The following ACSS1 variants were observed in gnomAD, a reference collection of about 807,000 sequenced individuals.
ACSS1 encodes acyl-CoA synthetase short chain family member 1, also known as acetyl-coenzyme A synthetase 2-like, mitochondrial.
ACSS1 carries 42 observed loss-of-function variants against 75.3 expected under a neutral mutation model. That is an observed-to-expected ratio of 0.56 (90% confidence interval 0.44 to 0.72). ACSS1 has a LOEUF of 0.72. Ranked by LOEUF, ACSS1 falls within the 30% of genes least tolerant of loss-of-function variation. ACSS1 has a pLI of 0.00. For missense variants in ACSS1, 782 were observed against 935.7 expected (o/e 0.84, Z 2.14); for synonymous variants, 380 against 376.8 (o/e 1.01, Z -0.10).
rs1374907752 is a variant in ACSS1, at chr20:25,007,725, G to A, written c.*37C>T. 6.2e-7 allele frequency: 1 copy of A among 1,607,232 alleles called. No individual in the cohort carries two copies. Among genetic ancestry groups the A allele is most frequent in the Non-Finnish European group, 8.5e-7 (1 of 1,176,190 alleles). Reference sequence around the variant, plus strand: ...CTGGGAAGGACAAGCCAGGGCTTGGGTGCCCGCCCATCCCAAGAGCCCCAC... The same window carrying A: ...CTGGGAAGGACAAGCCAGGGCTTGGATGCCCGCCCATCCCAAGAGCCCCAC... On this transcript the variant is annotated 3_prime_UTR_variant, in exon 14 of 14. Transcript: ENST00000323482.
At chr20:25,009,888 T>A (rs1309053067) in intron 12 of ACSS1, 1 of 156,346 alleles carries the variant, frequency 6.4e-6, no homozygotes, top group African/African-American at 2.4e-5. Context: ...ACACTTCAAG[T>A]GCCATTCAGC....
intron 5 of ACSS1, among the ~76,000 whole-genome samples, chr20:25,022,390 C>CAAAAG (rs72142497): frequency 1.3e-5 from 2 of 148,588 alleles, no homozygotes; most frequent in African/African-American, 5.0e-5. Flanking sequence ...CAAAACAAAA[C>CAAAAG]AAAAGAAAAA....
intron 2 of ACSS1, among the ~76,000 whole-genome samples, chr20:25,044,739 A>G (rs920054782): frequency 6.6e-6 from 1 of 152,266 alleles, no homozygotes; most frequent in East Asian, 1.9e-4. Flanking sequence ...CACTAGGCCT[A>G]CAGCCTCTGG....
rs965991075 is a variant in ACSS1, at chr20:25,020,224, T to C, written c.1109-77A>G. 21 of 1,591,336 alleles carry C rather than the reference T, an allele frequency of 1.3e-5. No homozygotes were observed. The Admixed American group carries it at 3.2e-4, about 24-fold the overall frequency. ...TTAAACTCAGAGATCAGCCAAGACTTCCTGAGTGCTGGGCATGTGCAGACG... is the reference window on the plus strand; with the variant it reads ...TTAAACTCAGAGATCAGCCAAGACTCCCTGAGTGCTGGGCATGTGCAGACG... On this transcript the variant is annotated intron_variant, in intron 6 of 13. Coordinates refer to ENST00000323482, the MANE Select transcript of ACSS1 (RefSeq NM_032501.4).
At chr20:25,034,900 T>C (rs1242059336) in intron 2 of ACSS1, among the ~76,000 whole-genome samples, 1 of 150,400 alleles carries the variant, frequency 6.6e-6, no homozygotes, top group African/African-American at 2.5e-5. Context: ...TTTTTGTTTT[T>C]TGTTTTTTTT....
At chr20:25,008,948 G>A (rs1234178080) in intron 13 of ACSS1, among the ~76,000 whole-genome samples, 3 of 152,134 alleles carry the variant, frequency 2.0e-5, no homozygotes, top group Non-Finnish European at 2.9e-5. Flanking sequence ...GCTGAGTGTG[G>A]AAACCTGCCT....
rs2088451763 is a variant in ACSS1, at chr20:25,013,408, G to A, written c.1579+128C>T. 2.4e-6 allele frequency: 3 copies of A among 1,265,858 alleles called. No homozygotes were observed. The East Asian group carries it at 7.7e-5, about 32-fold the overall frequency. 78.4% of individuals were successfully genotyped at this position (1,265,858 alleles called of 1,614,324 possible). ...GAGAGGGGTGCGGAGTCAAACTCTG[G>A]CCTCGCGAGCACCTATTCCTGGCCA... On this transcript the variant is annotated intron_variant, in intron 10 of 13. Coordinates refer to ENST00000323482, the MANE Select transcript of ACSS1 (RefSeq NM_032501.4).
chr20:25,030,088 C>T (rs931805233), intron 3 of ACSS1, among the ~76,000 whole-genome samples: 1 of 152,148 alleles, frequency 6.6e-6, no homozygotes, highest in Non-Finnish European at 1.5e-5. Context: ...GAGAACTCTA[C>T]CCATTAGTTC....
chr20:25,030,700 C>T, intron 3 of ACSS1, 59 bp downstream of exon 3: 1 of 1,591,042 alleles, frequency 6.3e-7, no homozygotes, highest in East Asian at 2.2e-5. Context: ...TGGCCAGGCC[C>T]CCAGGAACAA....
intron 3 of ACSS1, among the ~76,000 whole-genome samples, chr20:25,024,133 G>C (rs2088674011): frequency 6.6e-6 from 1 of 152,180 alleles, no homozygotes; most frequent in South Asian, 2.1e-4. Flanking sequence ...AGCCTTCACT[G>C]TCCAGAGATC....
rs2089271250 is a variant in ACSS1 at position 25,058,064 on chromosome 20, C to T, written c.39G>A (p.Leu13=). The change falls in exon 1 of 14, where the codon CTG becomes CTA. Residue 13 remains leucine (L), a synonymous_variant. Coordinates refer to ENST00000323482, the MANE Select transcript of ACSS1 (RefSeq NM_032501.4). ...ARTLGRGVGR[L]LGSLRGLSGQ... is the part of the protein sequence containing the mutation. ...CCGAGAGCCCTCGCAGGCTGCCCAG[C>T]AGCCTCCCGACGCCGCGGCCCAGGG... The T allele has an allele frequency of 1.6e-6, 2 of 1,281,856 alleles. No homozygotes were observed. Among genetic ancestry groups the T allele is most frequent in the South Asian group, 2.6e-5 (1 of 37,888 alleles). The allele number at this position is 1,281,856 out of a possible 1,614,324, so 79.4% of individuals were successfully genotyped here. A position where few individuals can be genotyped will look rare whatever the true frequency, so the allele number is the denominator to read the frequency against.
At chr20:25,036,762 C>T (rs966301483) in intron 2 of ACSS1, among the ~76,000 whole-genome samples, 4 of 151,954 alleles carry the variant, frequency 2.6e-5, no homozygotes, top group Non-Finnish European at 5.9e-5. Flanking sequence ...TAAGACCAGC[C>T]TGGCCAACCA....
Position 25,048,093 on chromosome 20 carries a change from G to T in ACSS1, c.423C>A (p.Ile141=), listed in dbSNP as rs1191866447. ...ERDEPGTEVR[I]TYRELLETTC... ...ATTCGAGGGCACAGTACCTGTAGGT[G>T]ATCCTCACTTCCGTTCCAGGCTCAT... The change falls in exon 2 of 14, where the codon ATC becomes ATA. Residue 141 remains isoleucine (I), a synonymous_variant. Coordinates refer to ENST00000323482, the MANE Select transcript of ACSS1 (RefSeq NM_032501.4). 1.2e-6 allele frequency: 2 copies of T among 1,613,652 alleles called. No homozygotes were observed. The highest frequency in any genetic ancestry group is 2.2e-5 in the East Asian group (1 of 44,840).
chr20:25,022,379 A>G (rs1488012443), intron 5 of ACSS1, among the ~76,000 whole-genome samples: 1 of 151,784 alleles, frequency 6.6e-6, no homozygotes. Context: ...ACAAAACAAA[A>G]CAAAACAAAA....
intron 2 of ACSS1, among the ~76,000 whole-genome samples, chr20:25,038,596 C>T (rs903999204): frequency 4.6e-5 from 7 of 152,176 alleles, no homozygotes; most frequent in Non-Finnish European, 4.4e-5. Context: ...CTGCAGTCTC[C>T]GTGTCGCCGG....
chr20:25,050,655 C>T (rs2089162761), intron 1 of ACSS1, among the ~76,000 whole-genome samples: 1 of 152,078 alleles, frequency 6.6e-6, no homozygotes, highest in African/African-American at 2.4e-5. Context: ...GGGCTCGAAC[C>T]ACGCTGGACA....
chr20:25,031,896 C>T (rs1264551277), intron 2 of ACSS1, among the ~76,000 whole-genome samples: 2 of 152,242 alleles, frequency 1.3e-5, no homozygotes, highest in Non-Finnish European at 2.9e-5. Flanking sequence ...TGAATCAACA[C>T]AGTCGAGGGG....
intron 2 of ACSS1, chr20:25,032,248 G>T: frequency 2.3e-6 from 2 of 882,760 alleles, no homozygotes; most frequent in Non-Finnish European, 3.0e-6. Flanking sequence ...CACTCAGGGC[G>T]CATCATCTCT....
Position 25,032,383 on chromosome 20 carries a change from G to A in ACSS1, c.432-1425C>T, listed in dbSNP as rs758553860. On this transcript the variant is annotated intron_variant, in intron 2 of 13. Transcript: ENST00000323482. ...CGCCAACTTGCCGGCCATGCGGTGC[G>A]AAGTGGAGGAAGTGGAAGCGATCCC... 4.4e-5 allele frequency: 61 copies of A among 1,395,930 alleles called. No homozygotes were observed. In the Middle Eastern group the frequency reaches 1.1e-3, roughly 25 times the overall value. The allele number at this position is 1,395,930 out of a possible 1,614,324, so 86.5% of individuals were successfully genotyped here. A position where few individuals can be genotyped will look rare whatever the true frequency, so the allele number is the denominator to read the frequency against.
Sources: allele counts gnomAD v4.1 joint callset (sites outside exome capture counted in the v4.1 genomes callset), GRCh38; gene constraint gnomAD v4.1.1; transcripts MANE v1.5; gene names NCBI Gene and HGNC (gene_info 2026-07-23, HGNC 2026-07-21).